Variants in CAPN2 observed in about 807,000 individuals in gnomAD.
The protein encoded by CAPN2 is calpain 2.
In CAPN2, 92 loss-of-function variants were observed where a neutral mutation model predicts 102.3. The ratio of observed to expected loss-of-function variants is 0.90; its 90% CI spans 0.76 to 1.07. The LOEUF (loss-of-function observed/expected upper bound fraction) is 1.07. Among genes scored for constraint, CAPN2 ranks in the 50% least tolerant of loss-of-function variants. The pLI is 0.00. For missense variants in CAPN2, 800 were observed against 909.4 expected (o/e 0.88, Z 1.55); for synonymous variants, 340 against 355.4 (o/e 0.96, Z 0.49).
chr1:223,767,161 ATCG>A (rs1347898972), intron 16 of CAPN2, among the ~76,000 whole-genome samples: 50 of 149,320 alleles, frequency 3.3e-4, no homozygotes, highest in Admixed American at 9.4e-4. Flanking sequence ...TCTGATCAAG[ATCG>A]TCGTCTTCTT....
intron 4 of CAPN2, 92 bp downstream of exon 4, chr1:223,745,531 G>A (rs1660733245): frequency 1.4e-6 from 2 of 1,481,366 alleles, no homozygotes; most frequent in South Asian, 2.3e-5. Flanking sequence ...AGCACTTTGG[G>A]AGGCCGAGGT....
rs1477378131 is a variant in CAPN2, at chr1:223,759,744, T to C, written c.1529+263T>C. On this transcript the variant is annotated intron_variant, in intron 12 of 20. Transcript: ENST00000295006. The surrounding 1 kb of genome is among the most constrained non-coding windows in gnomAD (Gnocchi z 4.6). ...CAGTGAATTGCAGGGTCTAATTTCA[T>C]AAGCGTGTCTCTGAATTCTCAAGTT... is the stretch of plus-strand genomic sequence containing the variant. Among the ~76,000 whole-genome samples the C allele has an allele frequency of 6.6e-6, 1 of 152,244 alleles. No homozygotes were observed. Among genetic ancestry groups the C allele is most frequent in the Non-Finnish European group, 1.5e-5 (1 of 68,044 alleles).
At position 223,762,271 on chromosome 1, in the gene CAPN2, A is replaced by G; in HGVS notation, c.1632+20A>G. Reference sequence around the variant, plus strand: ...GGAGAGGTAAATGTTCCCAAAAACGATGTTATGCACTCTGGTTGATGCAAA... The same window carrying G: ...GGAGAGGTAAATGTTCCCAAAAACGGTGTTATGCACTCTGGTTGATGCAAA... On this transcript the variant is annotated intron_variant, in intron 14 of 20. Transcript: ENST00000295006. 6.3e-7 allele frequency: 1 copy of G among 1,589,090 alleles called. No individual in the cohort carries two copies. The highest frequency in any genetic ancestry group is 8.6e-7 in the Non-Finnish European group (1 of 1,157,240).
chr1:223,759,193 T>C lies in CAPN2; in HGVS notation c.1318-77T>C, dbSNP rs767315852. On this transcript the variant is annotated intron_variant, in intron 11 of 20. Coordinates refer to ENST00000295006, the MANE Select transcript of CAPN2 (RefSeq NM_001748.5). This position sits in a 1 kb window ranked among gnomAD's most constrained non-coding sequence, Gnocchi z 4.6. Reference sequence around the variant, plus strand: ...AGCCACCACACTACCCAACTGCTTTTATCTCAGTGAATGAAAATGATACTT... The same window carrying C: ...AGCCACCACACTACCCAACTGCTTTCATCTCAGTGAATGAAAATGATACTT... 10 of 1,378,586 alleles carry C rather than the reference T, an allele frequency of 7.3e-6. No homozygotes were observed. The Admixed American group carries it at 1.7e-4, about 24-fold the overall frequency. The allele number at this position is 1,378,586 out of a possible 1,614,324, so 85.4% of individuals were successfully genotyped here. A position where few individuals can be genotyped will look rare whatever the true frequency, so the allele number is the denominator to read the frequency against.
chr1:223,767,533 G>C (rs1661369195), intron 16 of CAPN2, among the ~76,000 whole-genome samples: 1 of 150,944 alleles, frequency 6.6e-6, no homozygotes, highest in East Asian at 1.9e-4. Flanking sequence ...CATTTTTTAT[G>C]GCTGCATAGT....
At chr1:223,743,997 C>A (rs1032790260) in intron 2 of CAPN2, 103 bp from the exon 3 acceptor site, 8 of 783,312 alleles carry the variant, frequency 1.0e-5, no homozygotes, top group Non-Finnish European at 1.8e-5. Flanking sequence ...TGTCTATTCA[C>A]AGGTTGTCTT....
In CAPN2 at chr1:223,756,921, A is replaced by C. The variant is rs1254509688; in HGVS notation, c.1306-448A>C. ...ATCACTGGGTCCTATTTTTGAGACA[A>C]GAAAACTGAGGCCAGAGAGGAGAGG... On this transcript the variant is annotated intron_variant, in intron 10 of 20. Transcript: ENST00000295006. This position sits in a 1 kb window ranked among gnomAD's most constrained non-coding sequence, Gnocchi z 4.1. Among the ~76,000 whole-genome samples the C allele has an allele frequency of 6.6e-6, 1 of 152,184 alleles. No homozygotes were observed. The highest frequency in any genetic ancestry group is 2.4e-5 in the African/African-American group (1 of 41,442).
chr1:223,766,894 A>C (rs910123706), intron 16 of CAPN2, among the ~76,000 whole-genome samples: 1 of 151,564 alleles, frequency 6.6e-6, no homozygotes, highest in Non-Finnish European at 1.5e-5. Context: ...TGGGAGGCGG[A>C]GGTTGCAGTG....
chr1:223,733,885 C>T (rs2102787034), intron 2 of CAPN2, among the ~76,000 whole-genome samples: 1 of 152,304 alleles, frequency 6.6e-6, no homozygotes, highest in East Asian at 1.9e-4. Flanking sequence ...TACAGGAATG[C>T]TCATCTGCCA....
intron 4 of CAPN2, 110 bp from the exon 5 acceptor site, chr1:223,746,884 GAGC>G: frequency 1.1e-6 from 1 of 886,434 alleles, no homozygotes; most frequent in East Asian, 2.7e-5. Context: ...AGGAGAATGT[GAGC>G]AGGGGGTCCC....
rs746274941 is a variant in CAPN2, at chr1:223,772,214, GA to G, written c.2056del (p.Thr686GlnfsTer2). 1.2e-6 allele frequency: 2 copies of G among 1,614,122 alleles called. No individual in the cohort carries two copies. The highest frequency in any genetic ancestry group is 1.3e-5 in the African/African-American group (1 of 75,022). ...AAGCAGCTGGATCCCGAGAATACTG[GA>G]ACAATAGAGCTCGACCTTATCTCTG... ...IFKQLDPENT[G>X]TIELDLISWL... On this transcript the variant is annotated frameshift_variant, in exon 20 of 21. Transcript: ENST00000295006. LOFTEE classifies it high-confidence loss of function.
At chr1:223,736,878 C>T (rs1049347079) in intron 2 of CAPN2, among the ~76,000 whole-genome samples, 1 of 151,830 alleles carries the variant, frequency 6.6e-6, no homozygotes, top group East Asian at 1.9e-4. Flanking sequence ...GACACCTCTA[C>T]AAAAAAAGTT....
At chr1:223,757,056 C>A (rs1303723365) in intron 10 of CAPN2, among the ~76,000 whole-genome samples, 4 of 152,310 alleles carry the variant, frequency 2.6e-5, no homozygotes, top group South Asian at 4.1e-4. Flanking sequence ...CCTCCTCCAA[C>A]AGGGCCCGCC....
intron 2 of CAPN2, among the ~76,000 whole-genome samples, chr1:223,720,315 CTTTTTTTTTTT>C (rs35138708): frequency 9.3e-6 from 1 of 107,492 alleles, no homozygotes; most frequent in Non-Finnish European, 1.7e-5. Flanking sequence ...CTCTTTCTCT[CTTTTTTTTTTT>C]TTTTTTTTGA....
intron 2 of CAPN2, 28 bp from the exon 3 acceptor site, chr1:223,744,072 A>G (rs1660688370): frequency 6.8e-7 from 1 of 1,478,520 alleles, no homozygotes; most frequent in Non-Finnish European, 9.5e-7. Context: ...AGACCCTCTG[A>G]TAAGAGCTCC....
intron 2 of CAPN2, among the ~76,000 whole-genome samples, chr1:223,730,010 CAAAAAAAAAAAAAA>C (rs57382658): frequency 1.3e-5 from 1 of 79,038 alleles, no homozygotes; most frequent in African/African-American, 4.8e-5. Context: ...CCCAAAAAAC[CAAAAAAAAAAAAAA>C]AAAAAAAAAA....
intron 2 of CAPN2, among the ~76,000 whole-genome samples, chr1:223,721,473 A>G (rs1558061119): frequency 6.6e-6 from 1 of 152,230 alleles, no homozygotes; most frequent in East Asian, 1.9e-4. Flanking sequence ...AGGAAGGCAT[A>G]GGTCACCTTG....
At chr1:223,702,509 T>C (rs1032856451) in intron 1 of CAPN2, among the ~76,000 whole-genome samples, 4 of 152,104 alleles carry the variant, frequency 2.6e-5, no homozygotes, top group Non-Finnish European at 5.9e-5. Context: ...CTACATTATA[T>C]GGAGAATTAT....
At position 223,771,834 on chromosome 1, in the gene CAPN2, C is replaced by T; in HGVS notation, c.1929C>T (p.His643=). 6.2e-7 allele frequency: 1 copy of T among 1,613,712 alleles called. No individual in the cohort carries two copies. The highest frequency in any genetic ancestry group is 8.5e-7 in the Non-Finnish European group (1 of 1,179,602). The change falls in exon 19 of 21, where the codon CAC becomes CAT. Residue 643 remains histidine, a synonymous_variant. Coordinates refer to ENST00000295006, the MANE Select transcript of CAPN2 (RefSeq NM_001748.5). ...EAGFKMPCQL[H]QVIVARFADD... ...GTTTCAAGATGCCCTGTCAACTCCA[C>T]CAAGTCATCGTTGCTCGGTTTGCAG...
Sources: allele counts gnomAD v4.1 joint callset (sites outside exome capture counted in the v4.1 genomes callset), GRCh38; gene constraint gnomAD v4.1.1; non-coding constraint Gnocchi (gnomAD v3.1); transcripts MANE v1.5; gene names NCBI Gene and HGNC (gene_info 2026-07-23, HGNC 2026-07-21).